KDM5A: variants seen among roughly 807,000 people sequenced by gnomAD.
The protein encoded by KDM5A is lysine demethylase 5A.
Under a neutral mutation model 193.5 loss-of-function variants are expected in KDM5A, and 42 were observed. That is an observed-to-expected ratio of 0.22 (90% CI 0.17 to 0.28). The LOEUF (loss-of-function observed/expected upper bound fraction) is 0.28. Ranked by LOEUF, KDM5A falls within the 10% of genes least tolerant of loss-of-function variation. The probability of loss-of-function intolerance (pLI) is 1.00; values close to 1 mark genes in which losing one functional copy is unlikely to be tolerated. For synonymous variants in KDM5A, 796 were observed against 718.1 expected, an observed-to-expected ratio of 1.11 and a Z score of -1.73; for missense variants, 1,692 against 2,055.1, an observed-to-expected ratio of 0.82 and a Z score of 3.42.
At chr12:291,278 T>G (rs1300293185) in intron 27 of KDM5A, among the ~76,000 whole-genome samples, 1 of 152,192 alleles carries the variant, frequency 6.6e-6, no homozygotes, top group East Asian at 1.9e-4. Context: ...AGGATATATA[T>G]TTTACTATGC....
At chr12:330,054 AGTGTGTGTGTGTGTGT>A (rs148451707) in intron 13 of KDM5A, among the ~76,000 whole-genome samples, 11 of 142,276 alleles carry the variant, frequency 7.7e-5, no homozygotes, top group African/African-American at 2.6e-4. Flanking sequence ...CAAAGGAAAA[AGTGTGTGTGTGTGTGT>A]GTGTGTGTGT....
chr12:385,427 C>T (rs887300039), intron 2 of KDM5A, among the ~76,000 whole-genome samples: 2 of 151,664 alleles, frequency 1.3e-5, no homozygotes, highest in African/African-American at 4.8e-5. Context: ...AAAAATAATA[C>T]TTAAAGTAAT....
chr12:349,442 G>C (rs1591925565), intron 10 of KDM5A, among the ~76,000 whole-genome samples: 1 of 149,494 alleles, frequency 6.7e-6, no homozygotes, highest in Non-Finnish European at 1.5e-5. Context: ...GCAATTCTCT[G>C]CCTCAGCCTC....
intron 14 of KDM5A, among the ~76,000 whole-genome samples, chr12:328,463 G>A (rs1371831799): frequency 6.6e-6 from 1 of 151,838 alleles, no homozygotes; most frequent in East Asian, 1.9e-4. Flanking sequence ...TAAAGGGGAG[G>A]GAAAAAGATT....
At chr12:330,041 T>G (rs537191517) in intron 13 of KDM5A, among the ~76,000 whole-genome samples, 3 of 140,128 alleles carry the variant, frequency 2.1e-5, no homozygotes, top group Non-Finnish European at 4.7e-5. Flanking sequence ...AGAAAAAACT[T>G]TCCAAAGGAA....
chr12:350,786 A>G lies in KDM5A; in HGVS notation c.1150-7T>C. Reference sequence around the variant, plus strand: ...CTAGTTCTGTGGGAACCATCTACACAGGGAAAAAAAAGATGACAAATTATT... The same window carrying G: ...CTAGTTCTGTGGGAACCATCTACACGGGGAAAAAAAAGATGACAAATTATT... On this transcript the variant is annotated splice_polypyrimidine_tract_variant and splice_region_variant and intron_variant, in intron 9 of 27. Coordinates refer to ENST00000399788, the MANE Select transcript of KDM5A (RefSeq NM_001042603.3). 1 of 1,613,198 alleles carries G rather than the reference A, an allele frequency of 6.2e-7. No individual in the cohort carries two copies. Among genetic ancestry groups the G allele is most frequent in the Non-Finnish European group, 8.5e-7 (1 of 1,179,200 alleles).
rs185607624 is a variant in KDM5A at position 303,572 on chromosome 12, G to T, written c.4074+3374C>A. Reference sequence around the variant, plus strand: ...GAAATACCTAATGTGGTTGATGGGTGCAGCAAACCACCATGGCACGTGTAT... The same window carrying T: ...GAAATACCTAATGTGGTTGATGGGTTCAGCAAACCACCATGGCACGTGTAT... On this transcript the variant is annotated intron_variant, in intron 24 of 27. Transcript: ENST00000399788. Among the ~76,000 whole-genome samples, 4 of 152,144 alleles carry T rather than the reference G, an allele frequency of 2.6e-5. No homozygotes were observed. In the East Asian group the frequency reaches 5.8e-4, roughly 22 times the overall value.
chr12:308,800 CTA>C (rs1479926121), intron 22 of KDM5A, among the ~76,000 whole-genome samples: 10 of 152,302 alleles, frequency 6.6e-5, no homozygotes, highest in African/African-American at 2.2e-4. Context: ...GCAGAAAGAG[CTA>C]TATCACATGC....
chr12:382,457 C>T (rs1307840484), intron 3 of KDM5A, among the ~76,000 whole-genome samples: 1 of 149,112 alleles, frequency 6.7e-6, no homozygotes, highest in East Asian at 2.0e-4. Context: ...GGGCGTGACT[C>T]CATTTCAAAA....
At chr12:367,710 A>G (rs751559909) in intron 3 of KDM5A, among the ~76,000 whole-genome samples, 1 of 150,724 alleles carries the variant, frequency 6.6e-6, no homozygotes, top group Non-Finnish European at 1.5e-5. Flanking sequence ...TCCGAAAAAA[A>G]AAAATTAACC....
At chr12:348,096 G>A (rs1944101819) in intron 10 of KDM5A, among the ~76,000 whole-genome samples, 1 of 152,078 alleles carries the variant, frequency 6.6e-6, no homozygotes, top group African/African-American at 2.4e-5. Flanking sequence ...ATCAAAAAGT[G>A]GGCAAAGGAT....
At position 385,402 on chromosome 12, in the gene KDM5A, T is replaced by C. The variant is rs146541428; in HGVS notation, c.243+495A>G. ...TAGAAAATTTAAGATAAATTAGTAA[T>C]ACTTAAAGTAATTAAAAAATAATAC... On this transcript the variant is annotated intron_variant, in intron 2 of 27. Coordinates refer to ENST00000399788, the MANE Select transcript of KDM5A (RefSeq NM_001042603.3). Among the ~76,000 whole-genome samples, 356 of 151,968 alleles carry C rather than the reference T, an allele frequency of 2.3e-3. 1 individual carries two copies. Among genetic ancestry groups the C allele is most frequent in the African/African-American group, 8.1e-3 (335 of 41,536 alleles).
rs1193513740 is a variant in KDM5A, at chr12:356,468, C to T, written c.742G>A (p.Val248Ile). The T allele has an allele frequency of 5.6e-6, 9 of 1,612,958 alleles. No individual in the cohort carries two copies. The highest frequency in any genetic ancestry group is 4.2e-6 in the Non-Finnish European group (5 of 1,179,056). Reference protein sequence around the residue: ...KLQIFGAGPKVVGLAMGTKDK... With the variant: ...KLQIFGAGPKIVGLAMGTKDK... The stretch of plus-strand genomic sequence containing the variant: ...TTTGTTCCCATTGCCAAGCCCACAA[C>T]CTTGGGCCCAGCCCCAAAAATCTGA... The change falls in exon 6 of 28, where the codon GTT (valine) becomes ATT (isoleucine). Residue 248 changes from valine (V) to isoleucine (I), a missense_variant. Coordinates refer to ENST00000399788, the MANE Select transcript of KDM5A (RefSeq NM_001042603.3).
intron 24 of KDM5A, among the ~76,000 whole-genome samples, chr12:300,929 G>C (rs1200796963): frequency 5.3e-5 from 8 of 152,104 alleles, no homozygotes. Context: ...AGAAAATCTA[G>C]AAGAAATGGA....
intron 19 of KDM5A, 95 bp downstream of exon 19, chr12:318,011 A>C (rs1943669091): frequency 2.1e-6 from 2 of 959,906 alleles, no homozygotes; most frequent in Admixed American, 2.1e-5. Context: ...AAAAAAAAAA[A>C]AGTCATTTAA....
chr12:309,520 T>C (rs925242277), intron 22 of KDM5A, among the ~76,000 whole-genome samples: 1 of 152,214 alleles, frequency 6.6e-6, no homozygotes, highest in Non-Finnish European at 1.5e-5. Flanking sequence ...GAGGACTTAC[T>C]GTACTCAGCA....
In KDM5A at chr12:309,191, A is replaced by G. The variant is rs200361497; in HGVS notation, c.3378+612T>C. Among the ~76,000 whole-genome samples, 10 of 152,344 alleles carry G rather than the reference A, an allele frequency of 6.6e-5. No homozygotes were observed. In the East Asian group the frequency reaches 1.9e-3, roughly 29 times the overall value. On this transcript the variant is annotated intron_variant, in intron 22 of 27. Coordinates refer to ENST00000399788, the MANE Select transcript of KDM5A (RefSeq NM_001042603.3). Reference sequence around the variant, plus strand: ...GTCCTCAAATAACATCTTTACGTTCAGTGTAGTTTCATTATAACACTGATG... The same window carrying G: ...GTCCTCAAATAACATCTTTACGTTCGGTGTAGTTTCATTATAACACTGATG...
rs943216443 is a variant in KDM5A at position 283,797 on chromosome 12, A to G, written c.*1659T>C. On this transcript the variant is annotated 3_prime_UTR_variant, in exon 28 of 28. Transcript: ENST00000399788. The stretch of plus-strand genomic sequence containing the variant: ...AGACACCAGACAGTGATGACAAAAC[A>G]CTATTTTTAGTCATTTTTTTTTTTG... 4.8e-5 allele frequency: 11 copies of G among 227,478 alleles called. No homozygotes were observed. Among genetic ancestry groups the G allele is most frequent in the African/African-American group, 2.4e-4 (10 of 41,640 alleles). 14.1% of individuals were successfully genotyped at this position (227,478 alleles called of 1,614,324 possible).
intron 22 of KDM5A, 49 bp downstream of exon 22, chr12:309,754 A>G (rs2137392336): frequency 6.3e-7 from 1 of 1,590,978 alleles, no homozygotes; most frequent in Non-Finnish European, 8.6e-7. Context: ...ATATCTCTAC[A>G]GAGTTTTGTA....
Sources: allele counts gnomAD v4.1 joint callset (sites outside exome capture counted in the v4.1 genomes callset), GRCh38; gene constraint gnomAD v4.1.1; transcripts MANE v1.5; gene names NCBI Gene and HGNC (gene_info 2026-07-23, HGNC 2026-07-21).